Variants in STK10 observed in about 807,000 individuals in gnomAD.
The protein encoded by STK10 is serine/threonine kinase 10, also known as serine/threonine-protein kinase 10.
STK10 carries 78 observed loss-of-function variants against 113.8 expected under a neutral mutation model. The observed-to-expected ratio is 0.69, with a 90% CI of 0.57 to 0.83. The LOEUF (loss-of-function observed/expected upper bound fraction) is 0.83. STK10 is among the 40% of genes least tolerant of loss of function. STK10 has a pLI of 0.00. For missense variants in STK10, 1,109 were observed against 1,280.1 expected, an observed-to-expected ratio of 0.87 and a Z score of 2.04; for synonymous variants, 465 against 494.7, an observed-to-expected ratio of 0.94 and a Z score of 0.80.
At chr5:172,080,923 A>T (rs187879054) in intron 12 of STK10, among the ~76,000 whole-genome samples, 2 of 152,230 alleles carry the variant, frequency 1.3e-5, no homozygotes, top group Non-Finnish European at 2.9e-5. Flanking sequence ...TAGGACTCTC[A>T]TAACTACAGA....
At chr5:172,057,128 T>C (rs892128595) in intron 15 of STK10, 27 of 559,094 alleles carry the variant, frequency 4.8e-5, no homozygotes, top group Middle Eastern at 4.8e-4. Flanking sequence ...ACTTGGGCCA[T>C]TGGCTTCCCT....
At chr5:172,102,108 T>G (rs1056487451) in intron 7 of STK10, among the ~76,000 whole-genome samples, 2 of 151,750 alleles carry the variant, frequency 1.3e-5, no homozygotes, top group East Asian at 1.9e-4. Context: ...CTGGCTGCTG[T>G]GCTCAGCCCA....
intron 1 of STK10, among the ~76,000 whole-genome samples, chr5:172,164,055 T>C (rs1374425841): frequency 6.6e-6 from 1 of 151,508 alleles, no homozygotes; most frequent in African/African-American, 2.4e-5. Flanking sequence ...CTACTAAAAA[T>C]ACAAAAATTA....
chr5:172,115,796 A>T (rs1010097131), intron 4 of STK10, among the ~76,000 whole-genome samples: 16 of 152,194 alleles, frequency 1.1e-4, no homozygotes, highest in African/African-American at 3.4e-4. Context: ...GAGTTAACAC[A>T]TATCAGATGC....
chr5:172,131,317 A>G (rs1003489569), intron 2 of STK10, among the ~76,000 whole-genome samples: 4 of 152,228 alleles, frequency 2.6e-5, no homozygotes, highest in Admixed American at 1.3e-4. Context: ...TACAGGCGTG[A>G]GCCCCCGCGC....
At chr5:172,154,318 G>C (rs1022372838) in intron 2 of STK10, among the ~76,000 whole-genome samples, 4 of 152,286 alleles carry the variant, frequency 2.6e-5, no homozygotes, top group South Asian at 2.1e-4. Flanking sequence ...CTTCACCTTG[G>C]CATGCAGGGC....
chr5:172,098,252 G>A (rs571635808), intron 7 of STK10, among the ~76,000 whole-genome samples: 4 of 152,160 alleles, frequency 2.6e-5, no homozygotes, highest in Non-Finnish European at 5.9e-5. Flanking sequence ...TCATTTGGCC[G>A]GGCGCGGTGG....
At chr5:172,156,913 C>T (rs1009374701) in intron 1 of STK10, 125 bp from the exon 2 acceptor site, 14 of 1,099,744 alleles carry the variant, frequency 1.3e-5, no homozygotes, top group African/African-American at 9.4e-5. Flanking sequence ...TGAACCGGAA[C>T]GTACATTGTT....
intron 1 of STK10, among the ~76,000 whole-genome samples, chr5:172,166,239 G>C (rs2113828210): frequency 6.6e-6 from 1 of 152,332 alleles, no homozygotes; most frequent in East Asian, 1.9e-4. Context: ...GGCCAAGATG[G>C]CAGAAGCAGG....
intron 6 of STK10, among the ~76,000 whole-genome samples, 196 bp from the exon 7 acceptor site, chr5:172,105,933 C>G (rs557877496): frequency 2.8e-4 from 42 of 152,300 alleles, no homozygotes; most frequent in African/African-American, 9.6e-4. Context: ...CAGACATCGG[C>G]GAGGAGCAGG....
intron 18 of STK10, among the ~76,000 whole-genome samples, chr5:172,049,842 G>A (rs193145440): frequency 1.1e-4 from 17 of 152,128 alleles, no homozygotes; most frequent in South Asian, 6.2e-4. Context: ...TCACTCTTTC[G>A]CCCAGGCTGG....
At chr5:172,100,031 A>C (rs2113755661) in intron 7 of STK10, among the ~76,000 whole-genome samples, 1 of 152,340 alleles carries the variant, frequency 6.6e-6, no homozygotes, top group Admixed American at 6.5e-5. Context: ...GCACCAGAGC[A>C]AGCAAGGCTG....
chr5:172,144,750 G>A (rs6878620), intron 2 of STK10, among the ~76,000 whole-genome samples: 22,180 of 152,130 alleles, frequency 0.15, 1,719 homozygotes, highest in African/African-American at 0.18. Flanking sequence ...AACAGAGGGA[G>A]TGACCTTGAG....
At chr5:172,113,075 T>TA (rs1387505148) in intron 4 of STK10, among the ~76,000 whole-genome samples, 1 of 152,212 alleles carries the variant, frequency 6.6e-6, no homozygotes, top group Non-Finnish European at 1.5e-5. Flanking sequence ...ATGTTTTTGA[T>TA]AGAGTGTATT....
At chr5:172,173,917 A>C (rs1770706451) in intron 1 of STK10, among the ~76,000 whole-genome samples, 1 of 152,222 alleles carries the variant, frequency 6.6e-6, no homozygotes, top group South Asian at 2.1e-4. Flanking sequence ...GTTTTGATTT[A>C]GACGTCACAG....
chr5:172,179,628 C>T (rs1225391725), intron 1 of STK10, among the ~76,000 whole-genome samples: 3 of 152,370 alleles, frequency 2.0e-5, no homozygotes, highest in African/African-American at 4.8e-5. Context: ...AGCCGAAGGG[C>T]GTCATCCACG....
At chr5:172,059,974 C>CGTTTGTG (rs1485132964) in intron 14 of STK10, among the ~76,000 whole-genome samples, 1 of 152,178 alleles carries the variant, frequency 6.6e-6, no homozygotes, top group African/African-American at 2.4e-5. Context: ...ATGATCTAAA[C>CGTTTGTG]GTTTGTGTCC....
intron 10 of STK10, among the ~76,000 whole-genome samples, chr5:172,086,225 A>G (rs1279025031): frequency 6.6e-6 from 1 of 152,198 alleles, no homozygotes; most frequent in Non-Finnish European, 1.5e-5. Context: ...AATTCTACCA[A>G]GGAAGAAGAG....
At chr5:172,109,031 A>T (rs1163202666) in intron 4 of STK10, among the ~76,000 whole-genome samples, 1 of 152,078 alleles carries the variant, frequency 6.6e-6, no homozygotes, top group African/African-American at 2.4e-5. Context: ...GTGGTCCACC[A>T]GCCTTGGCCT....
Sources: allele counts gnomAD v4.1 joint callset (sites outside exome capture counted in the v4.1 genomes callset), GRCh38; gene constraint gnomAD v4.1.1; transcripts MANE v1.5; gene names NCBI Gene and HGNC (gene_info 2026-07-23, HGNC 2026-07-21).